The following WDR25 variants were observed in gnomAD, a reference collection of about 807,000 sequenced individuals.
WDR25 encodes WD repeat domain 25, also known as WD repeat-containing protein 25.
WDR25 carries 35 observed loss-of-function variants against 47.7 expected under a neutral mutation model. That is an observed-to-expected ratio of 0.73 (90% CI 0.56 to 0.97). The LOEUF (loss-of-function observed/expected upper bound fraction) is 0.97. Ranked by LOEUF, WDR25 falls within the 50% of genes least tolerant of loss-of-function variation. The pLI is 0.00. For synonymous variants in WDR25, 248 were observed against 278.9 expected, an observed-to-expected ratio of 0.89 and a Z score of 1.10; for missense variants, 634 against 704.7, an observed-to-expected ratio of 0.90 and a Z score of 1.14.
rs944889393 is a variant in WDR25 at position 100,506,916 on chromosome 14, A to C, written c.1102-18954A>C. Among the ~76,000 whole-genome samples, 1 of 152,106 alleles carries C rather than the reference A, an allele frequency of 6.6e-6. No homozygotes were observed. The highest frequency in any genetic ancestry group is 1.5e-5 in the Non-Finnish European group (1 of 68,008). On this transcript the variant is annotated intron_variant, in intron 4 of 6. Transcript: ENST00000402312. This position sits in a 1 kb window ranked among gnomAD's most constrained non-coding sequence, Gnocchi z 4.8. Reference sequence around the variant, plus strand: ...TTGCTGTGCAGAAGCTCTTTGGTTTAATTAGGTCCTGCTTGTTAATTTTTG... The same window carrying C: ...TTGCTGTGCAGAAGCTCTTTGGTTTCATTAGGTCCTGCTTGTTAATTTTTG...
rs1412237934 is a variant in WDR25 at position 100,506,186 on chromosome 14, T to G, written c.1102-19684T>G. 6.6e-6 allele frequency among the ~76,000 whole-genome samples: 1 copy of G among 152,214 alleles called. No homozygotes were observed. The highest frequency in any genetic ancestry group is 2.4e-5 in the African/African-American group (1 of 41,462). ...AGTATTTTTGTTTTCTGTTCCTGCA[T>G]TAATTTGCTTAGGAAAATGGTCTCC... On this transcript the variant is annotated intron_variant, in intron 4 of 6. Coordinates refer to ENST00000402312, the MANE Select transcript of WDR25 (RefSeq NM_001161476.3). The surrounding 1 kb of genome is among the most constrained non-coding windows in gnomAD (Gnocchi z 4.8).
At chr14:100,496,807 T>G (rs1366628051) in intron 4 of WDR25, among the ~76,000 whole-genome samples, 1 of 150,694 alleles carries the variant, frequency 6.6e-6, no homozygotes, top group Non-Finnish European at 1.5e-5. Flanking sequence ...CAGATTTTTC[T>G]TTTTCTTTTT....
chr14:100,469,550 C>T (rs1899759330), intron 3 of WDR25, among the ~76,000 whole-genome samples: 1 of 152,204 alleles, frequency 6.6e-6, no homozygotes, highest in African/African-American at 2.4e-5. Context: ...AGATTCTGTG[C>T]CCTTCCCACC....
intron 2 of WDR25, among the ~76,000 whole-genome samples, chr14:100,403,733 C>T (rs1226522150): frequency 6.6e-6 from 1 of 152,074 alleles, no homozygotes; most frequent in Non-Finnish European, 1.5e-5. Flanking sequence ...TTTAGGAGCC[C>T]GTTTGTTGCT....
chr14:100,457,834 T>C (rs948547290), intron 2 of WDR25, among the ~76,000 whole-genome samples: 1 of 152,168 alleles, frequency 6.6e-6, no homozygotes, highest in African/African-American at 2.4e-5. Flanking sequence ...ACAGTTCTCA[T>C]AGGGGAAGTG....
intron 2 of WDR25, among the ~76,000 whole-genome samples, chr14:100,393,793 G>C (rs1370782940): frequency 6.6e-6 from 1 of 152,162 alleles, no homozygotes; most frequent in Non-Finnish European, 1.5e-5. Flanking sequence ...TCAGACCTTG[G>C]GCTCCAAGGC....
chr14:100,471,520 A>G (rs1474749116), intron 3 of WDR25, among the ~76,000 whole-genome samples: 1 of 152,152 alleles, frequency 6.6e-6, no homozygotes, highest in Admixed American at 6.5e-5. Flanking sequence ...CTCTTCGCTG[A>G]GTCTGATCTC....
chr14:100,418,862 C>T (rs1897949412), intron 2 of WDR25, among the ~76,000 whole-genome samples: 1 of 151,350 alleles, frequency 6.6e-6, no homozygotes, highest in South Asian at 2.1e-4. Flanking sequence ...CCTACACCCA[C>T]AATTCCTGTG....
At chr14:100,396,930 GT>G (rs1277885711) in intron 2 of WDR25, among the ~76,000 whole-genome samples, 2 of 152,236 alleles carry the variant, frequency 1.3e-5, no homozygotes, top group Non-Finnish European at 2.9e-5. Flanking sequence ...AAGTGCTTTT[GT>G]TAACCTGACC....
chr14:100,417,674 C>A (rs58440181), intron 2 of WDR25, among the ~76,000 whole-genome samples: 3,723 of 152,294 alleles, frequency 0.024, 164 homozygotes, highest in African/African-American at 0.086. Context: ...CAGTGAGGCT[C>A]TGGAGAGTGA....
rs1896910721 is a variant in WDR25, at chr14:100,381,872, G to A, written c.822+126G>A. ...TGTGCAGATTTCTGTAATTCCCTTT[G>A]TTGCATTCCAGAAAGGGTCATCTGT... On this transcript the variant is annotated intron_variant, in intron 2 of 6. Coordinates refer to ENST00000402312, the MANE Select transcript of WDR25 (RefSeq NM_001161476.3). The A allele has an allele frequency of 4.9e-6, 4 of 809,052 alleles. No individual in the cohort carries two copies. In the East Asian group the frequency reaches 1.1e-4, roughly 22 times the overall value. 50.1% of individuals were successfully genotyped at this position (809,052 alleles called of 1,614,324 possible).
intron 1 of WDR25, 169 bp downstream of exon 1, chr14:100,376,664 A>G (rs1443626058): frequency 1.6e-6 from 2 of 1,231,574 alleles, no homozygotes; most frequent in Admixed American, 8.4e-5. Flanking sequence ...TACTATTGAC[A>G]GCTCAGCTAA....
At chr14:100,418,131 G>A (rs1413204853) in intron 2 of WDR25, among the ~76,000 whole-genome samples, 14 of 151,476 alleles carry the variant, frequency 9.2e-5, no homozygotes, top group African/African-American at 3.4e-4. Context: ...TAGTAGAGAT[G>A]TGGTTTCACC....
intron 2 of WDR25, among the ~76,000 whole-genome samples, chr14:100,409,436 C>T (rs1897642638): frequency 6.6e-6 from 1 of 151,796 alleles, no homozygotes; most frequent in Non-Finnish European, 1.5e-5. Context: ...CCACCCATCC[C>T]AGGAAGCTGA....
rs1238011978 is a variant in WDR25 at position 100,499,589 on chromosome 14, A to G, written c.1101+15465A>G. 6.6e-6 allele frequency among the ~76,000 whole-genome samples: 1 copy of G among 152,200 alleles called. No homozygotes were observed. Among genetic ancestry groups the G allele is most frequent in the African/African-American group, 2.4e-5 (1 of 41,440 alleles). On this transcript the variant is annotated intron_variant, in intron 4 of 6. Coordinates refer to ENST00000402312, the MANE Select transcript of WDR25 (RefSeq NM_001161476.3). The surrounding 1 kb of genome is among the most constrained non-coding windows in gnomAD (Gnocchi z 4.4). ...GTGAGACTTATGCATGTTCACCTGC[A>G]TCCTGGAGGAAGGCACTGGTGCAGA...
In WDR25 at chr14:100,483,985, G is replaced by A. The variant is rs765855859; in HGVS notation, c.971-9G>A. ...CTTTCTAACCCTCTCTTCTCTTTTT[G>A]TGTTGTAGGAACCCAGCTATTTAGT... is the stretch of plus-strand genomic sequence containing the variant. On this transcript the variant is annotated splice_polypyrimidine_tract_variant and intron_variant, in intron 3 of 6. Coordinates refer to ENST00000402312, the MANE Select transcript of WDR25 (RefSeq NM_001161476.3). 4.4e-6 allele frequency: 7 copies of A among 1,600,634 alleles called. No individual in the cohort carries two copies. In the South Asian group the frequency reaches 4.5e-5, roughly 10 times the overall value.
chr14:100,485,209 CA>C (rs1392718096), intron 4 of WDR25, among the ~76,000 whole-genome samples: 4 of 152,076 alleles, frequency 2.6e-5, no homozygotes, highest in Admixed American at 2.6e-4. Flanking sequence ...GCTCTGCTCA[CA>C]TATTACCTCT....
chr14:100,411,550 T>C (rs1433977966), intron 2 of WDR25, among the ~76,000 whole-genome samples: 8 of 151,926 alleles, frequency 5.3e-5, no homozygotes, highest in Non-Finnish European at 1.2e-4. Flanking sequence ...TTTTTTTTTT[T>C]TCTCGAGATA....
chr14:100,487,227 T>C (rs1272883846), intron 4 of WDR25, among the ~76,000 whole-genome samples: 1 of 152,170 alleles, frequency 6.6e-6, no homozygotes, highest in African/African-American at 2.4e-5. Context: ...TATCTATGGA[T>C]CAAATGAATC....
Sources: gnomAD v4.1 joint callset for allele counts (sites outside exome capture counted in the v4.1 genomes callset) on GRCh38, gnomAD v4.1.1 for gene constraint, Gnocchi (gnomAD v3.1) non-coding constraint, MANE v1.5 for transcripts, NCBI Gene and HGNC (gene_info 2026-07-23, HGNC 2026-07-21) for gene names.